The following SDK1 variants were observed in gnomAD, a reference collection of about 807,000 sequenced individuals.
The protein encoded by SDK1 is sidekick cell adhesion molecule 1, also known as protein sidekick-1.
Under a neutral mutation model 245.5 loss-of-function variants are expected in SDK1, and 157 were observed. The observed-to-expected ratio is 0.64, with a 90% CI of 0.56 to 0.73. The LOEUF (loss-of-function observed/expected upper bound fraction) is 0.73, where lower values mean the gene tolerates loss of function less well. Ranked by LOEUF, SDK1 falls within the 30% of genes least tolerant of loss-of-function variation. SDK1 has a pLI of 0.00. For missense variants in SDK1, 3,583 were observed against 3,002.3 expected (o/e 1.19, Z -4.52); for synonymous variants, 1,647 against 1,278.5 (o/e 1.29, Z -6.15).
At chr7:3,413,038 A>G (rs1477259543) in intron 1 of SDK1, among the ~76,000 whole-genome samples, 1 of 152,216 alleles carries the variant, frequency 6.6e-6, no homozygotes, top group African/African-American at 2.4e-5. Context: ...AATAATACAC[A>G]TGACAATATA....
At position 3,967,307 on chromosome 7, in the gene SDK1, C is replaced by T. The variant is rs375144205; in HGVS notation, c.1430-11C>T. On this transcript the variant is annotated splice_polypyrimidine_tract_variant and intron_variant, in intron 9 of 44. Transcript: ENST00000404826. ...CAAGGCCCTGATCATTTCATTTACT[C>T]CTCTTCTCAGATATCGCTCCAGTGT... 3.2e-4 allele frequency: 505 copies of T among 1,601,998 alleles called. 2 individuals are homozygous for T. In the African/African-American group the frequency reaches 6.2e-3, roughly 20 times the overall value.
At chr7:3,543,077 T>C (rs1278629728) in intron 1 of SDK1, among the ~76,000 whole-genome samples, 2 of 152,224 alleles carry the variant, frequency 1.3e-5, no homozygotes, top group Non-Finnish European at 2.9e-5. Flanking sequence ...ATAATTCCTA[T>C]TTGTATTTCA....
chr7:3,893,780 T>C (rs1172086937), intron 5 of SDK1, among the ~76,000 whole-genome samples: 1 of 151,732 alleles, frequency 6.6e-6, no homozygotes, highest in Non-Finnish European at 1.5e-5. Context: ...CCCTGCCTTC[T>C]CCAGGTGATG....
chr7:3,601,712 A>C (rs913148150), intron 1 of SDK1, among the ~76,000 whole-genome samples: 1 of 151,880 alleles, frequency 6.6e-6, no homozygotes, highest in South Asian at 2.1e-4. Context: ...GTTTTAGGGT[A>C]CATGTGCACA....
At chr7:4,002,217 C>G (rs979885055) in intron 14 of SDK1, among the ~76,000 whole-genome samples, 7 of 148,002 alleles carry the variant, frequency 4.7e-5, no homozygotes, top group African/African-American at 1.8e-4. Context: ...TTTCGTAGCC[C>G]TGGCTGTGCC....
At chr7:3,718,597 CTCAT>C (rs911125265) in intron 4 of SDK1, among the ~76,000 whole-genome samples, 1 of 151,304 alleles carries the variant, frequency 6.6e-6, no homozygotes, top group South Asian at 2.1e-4. Flanking sequence ...ATATCTAACA[CTCAT>C]TCATGCTAAA....
intron 1 of SDK1, among the ~76,000 whole-genome samples, chr7:3,336,112 G>A (rs1266855473): frequency 6.6e-6 from 1 of 152,148 alleles, no homozygotes; most frequent in African/African-American, 2.4e-5. Context: ...CAGAGGACAG[G>A]GGAAGGGAGG....
intron 1 of SDK1, among the ~76,000 whole-genome samples, chr7:3,336,683 T>C (rs188591617): frequency 1.3e-5 from 2 of 151,900 alleles, no homozygotes; most frequent in East Asian, 3.9e-4. Context: ...CAAACTGGCA[T>C]GGCTTAGCCC....
At chr7:3,806,627 A>G (rs935748829) in intron 4 of SDK1, among the ~76,000 whole-genome samples, 23 of 152,216 alleles carry the variant, frequency 1.5e-4, no homozygotes, top group Non-Finnish European at 3.1e-4. Flanking sequence ...GCTTGTGGCA[A>G]ACCTAAAACG....
intron 38 of SDK1, among the ~76,000 whole-genome samples, chr7:4,217,506 AGCACCACACCACCCG>A (rs1784892704): frequency 8.6e-6 from 1 of 116,590 alleles, no homozygotes; most frequent in East Asian, 2.6e-4. Flanking sequence ...CACCACCCGG[AGCACCACACCACCCG>A]GAGCACCACA....
intron 20 of SDK1, among the ~76,000 whole-genome samples, chr7:4,073,506 G>A (rs545570022): frequency 1.3e-5 from 2 of 152,184 alleles, no homozygotes; most frequent in Non-Finnish European, 2.9e-5. Context: ...TCAGCTCTAG[G>A]TCGACATGAC....
At chr7:3,304,775 C>G (rs1472555023) in intron 1 of SDK1, among the ~76,000 whole-genome samples, 1 of 152,168 alleles carries the variant, frequency 6.6e-6, no homozygotes, top group Non-Finnish European at 1.5e-5. Flanking sequence ...CACCTGCTGA[C>G]TTCCTGGAAA....
intron 4 of SDK1, among the ~76,000 whole-genome samples, chr7:3,815,036 A>G (rs539217015): frequency 2.1e-5 from 3 of 139,692 alleles, no homozygotes; most frequent in Admixed American, 7.2e-5. Flanking sequence ...GGTTTTCTAG[A>G]TATACAATCA....
In SDK1 at chr7:3,842,128, G is replaced by A. The variant is rs565950311; in HGVS notation, c.847+20545G>A. Among the ~76,000 whole-genome samples the A allele has an allele frequency of 3.7e-3, 559 of 152,312 alleles. 4 individuals are homozygous for A. Among genetic ancestry groups the A allele is most frequent in the African/African-American group, 0.013 (542 of 41,564 alleles). On this transcript the variant is annotated intron_variant, in intron 5 of 44. Transcript: ENST00000404826. ...GTTGGTGGCAGCTAAAAATGTAGTT[G>A]TTCAATACTGTCCTTCCCAGGGCTG...
intron 1 of SDK1, among the ~76,000 whole-genome samples, chr7:3,486,847 A>G (rs900308870): frequency 1.3e-5 from 2 of 152,146 alleles, no homozygotes; most frequent in African/African-American, 2.4e-5. Context: ...CACATGTTTG[A>G]TAAGAGGGTG....
intron 22 of SDK1, among the ~76,000 whole-genome samples, chr7:4,080,157 G>A (rs1780961478): frequency 3.9e-5 from 6 of 152,106 alleles, no homozygotes; most frequent in Admixed American, 3.9e-4. Context: ...CTGGAGGGAG[G>A]GGAGCAAGCC....
At chr7:3,379,020 C>G (rs987688605) in intron 1 of SDK1, among the ~76,000 whole-genome samples, 5 of 152,140 alleles carry the variant, frequency 3.3e-5, no homozygotes, top group African/African-American at 7.2e-5. Flanking sequence ...GGCCAATTAT[C>G]TATGGCCTGC....
At chr7:3,367,799 G>A (rs537769927) in intron 1 of SDK1, among the ~76,000 whole-genome samples, 61 of 152,314 alleles carry the variant, frequency 4.0e-4, no homozygotes, top group African/African-American at 1.4e-3. Flanking sequence ...AGGGAATTCA[G>A]TGTATTGTTT....
chr7:4,152,253 A>G (rs1780434556), intron 30 of SDK1, among the ~76,000 whole-genome samples: 1 of 152,182 alleles, frequency 6.6e-6, no homozygotes. Context: ...AGCTACAGCA[A>G]CAGAACTCGA....
Sources: allele counts gnomAD v4.1 joint callset (sites outside exome capture counted in the v4.1 genomes callset), GRCh38; gene constraint gnomAD v4.1.1; transcripts MANE v1.5; gene names NCBI Gene and HGNC (gene_info 2026-07-23, HGNC 2026-07-21).